The following EPHA6 variants were observed in gnomAD, a reference collection of about 807,000 sequenced individuals.
EPHA6 encodes the protein EPH receptor A6, also known as ephrin type-A receptor 6.
A neutral mutation model predicts 112.0 loss-of-function variants in EPHA6; 50 were observed. The observed-to-expected ratio is 0.45, with a 90% CI of 0.36 to 0.56. EPHA6 has a LOEUF of 0.56. Ranked by LOEUF, EPHA6 falls within the 20% of genes least tolerant of loss-of-function variation. The pLI is 0.00. For synonymous variants in EPHA6, 529 were observed against 490.7 expected (o/e 1.08, Z -1.03); for missense variants, 1,280 against 1,417.4 (o/e 0.90, Z 1.56).
intron 5 of EPHA6, among the ~76,000 whole-genome samples, chr3:97,327,828 T>G (rs1186191860): frequency 1.5e-5 from 2 of 131,652 alleles, no homozygotes; most frequent in Non-Finnish European, 3.0e-5. Context: ...TATTCCTTGG[T>G]GTGTGTGTGT....
At chr3:97,648,327 AT>A (rs1560229722) in intron 14 of EPHA6, 1 of 1,515,936 alleles carries the variant, frequency 6.6e-7, no homozygotes, top group Non-Finnish European at 9.1e-7. Context: ...GCTATTCTGC[AT>A]AAATTCTGAG....
intron 5 of EPHA6, among the ~76,000 whole-genome samples, chr3:97,280,672 T>G (rs1478757066): frequency 6.6e-6 from 1 of 152,232 alleles, no homozygotes; most frequent in Non-Finnish European, 1.5e-5. Context: ...GTCTAGCATG[T>G]ATACATTTTT....
intron 1 of EPHA6, among the ~76,000 whole-genome samples, chr3:96,856,609 G>A (rs986125698): frequency 2.6e-5 from 4 of 152,050 alleles, no homozygotes; most frequent in African/African-American, 4.8e-5. Context: ...ACCTATATTC[G>A]AAAATTAATT....
At chr3:97,354,561 C>T (rs1031621871) in intron 5 of EPHA6, among the ~76,000 whole-genome samples, 13 of 151,662 alleles carry the variant, frequency 8.6e-5, no homozygotes, top group African/African-American at 3.1e-4. Context: ...TATACACAGT[C>T]AGAGGATAAA....
chr3:97,039,966 C>T (rs543405567), intron 3 of EPHA6, among the ~76,000 whole-genome samples: 30 of 152,034 alleles, frequency 2.0e-4, no homozygotes, highest in African/African-American at 6.7e-4. Flanking sequence ...AACTGAACAA[C>T]TTAAAACTGG....
At chr3:97,400,657 T>G (rs1398830702) in intron 5 of EPHA6, among the ~76,000 whole-genome samples, 1 of 151,768 alleles carries the variant, frequency 6.6e-6, no homozygotes, top group East Asian at 1.9e-4. Flanking sequence ...TTAAATATAT[T>G]CCTAGATATG....
chr3:97,481,728 A>C (rs2091559258), intron 9 of EPHA6, among the ~76,000 whole-genome samples: 1 of 148,726 alleles, frequency 6.7e-6, no homozygotes, highest in Non-Finnish European at 1.5e-5. Context: ...TTTATACAGT[A>C]AGTCTGACTC....
chr3:97,178,819 A>G (rs1013682258), intron 3 of EPHA6, among the ~76,000 whole-genome samples: 1 of 152,004 alleles, frequency 6.6e-6, no homozygotes, highest in Non-Finnish European at 1.5e-5. Flanking sequence ...AAATGCCTTG[A>G]GGTAGTCTTT....
intron 13 of EPHA6, among the ~76,000 whole-genome samples, chr3:97,634,745 A>C (rs1442476740): frequency 6.6e-6 from 1 of 152,044 alleles, no homozygotes; most frequent in East Asian, 1.9e-4. Context: ...AACTCTGAGG[A>C]GTTATCCAGA....
intron 10 of EPHA6, among the ~76,000 whole-genome samples, chr3:97,531,321 T>A (rs1458000376): frequency 1.3e-5 from 2 of 152,072 alleles, no homozygotes; most frequent in African/African-American, 2.4e-5. Flanking sequence ...TACATTGCAC[T>A]GAGAAAACCC....
At chr3:96,847,083 T>G (rs2035115506) in intron 1 of EPHA6, among the ~76,000 whole-genome samples, 1 of 152,104 alleles carries the variant, frequency 6.6e-6, no homozygotes. Context: ...AACTGGTATC[T>G]TTTAGAAACC....
At chr3:96,863,560 CAGTT>C (rs2036130844) in intron 1 of EPHA6, among the ~76,000 whole-genome samples, 1 of 151,704 alleles carries the variant, frequency 6.6e-6, no homozygotes, top group Admixed American at 6.6e-5. Context: ...TCAAATAAAG[CAGTT>C]AGGTCAATCT....
At chr3:96,981,442 T>C (rs1391461651) in intron 2 of EPHA6, among the ~76,000 whole-genome samples, 1 of 152,170 alleles carries the variant, frequency 6.6e-6, no homozygotes. Context: ...TGCTGCTAGA[T>C]TTGTTTTGCC....
chr3:97,135,548 G>T (rs2075746139), intron 3 of EPHA6, among the ~76,000 whole-genome samples: 1 of 152,018 alleles, frequency 6.6e-6, no homozygotes, highest in African/African-American at 2.4e-5. Flanking sequence ...AATACACATT[G>T]TAAGAGTCTA....
intron 5 of EPHA6, among the ~76,000 whole-genome samples, chr3:97,327,713 G>T (rs781339509): frequency 2.6e-5 from 4 of 151,492 alleles, no homozygotes; most frequent in Admixed American, 1.3e-4. Flanking sequence ...GAGGTAAATG[G>T]AATCATACAG....
chr3:97,248,889 C>T (rs2079056013), intron 5 of EPHA6, among the ~76,000 whole-genome samples: 1 of 152,034 alleles, frequency 6.6e-6, no homozygotes. Flanking sequence ...TTACATGTTG[C>T]TGGAGTAAGT....
chr3:97,578,878 T>A (rs1315300178), intron 11 of EPHA6, among the ~76,000 whole-genome samples: 1 of 152,216 alleles, frequency 6.6e-6, no homozygotes, highest in Non-Finnish European at 1.5e-5. Flanking sequence ...AAAAATTTGG[T>A]CAGTCAATAC....
intron 5 of EPHA6, among the ~76,000 whole-genome samples, chr3:97,332,230 A>G (rs1285739924): frequency 6.6e-6 from 1 of 152,142 alleles, no homozygotes; most frequent in Non-Finnish European, 1.5e-5. Context: ...AGAACTCTCA[A>G]TAAATTAGGT....
chr3:97,448,032 GA>G, intron 6 of EPHA6, among the ~76,000 whole-genome samples: 1 of 152,164 alleles, frequency 6.6e-6, no homozygotes, highest in African/African-American at 2.4e-5. Flanking sequence ...TACTACTGGG[GA>G]AACACTGAAT....
Sources: allele counts gnomAD v4.1 joint callset (sites outside exome capture counted in the v4.1 genomes callset), GRCh38; gene constraint gnomAD v4.1.1; transcripts MANE v1.5; gene names NCBI Gene and HGNC (gene_info 2026-07-23, HGNC 2026-07-21).